The following RBPJ variants were observed in gnomAD, a reference collection of about 807,000 sequenced individuals.
RBPJ encodes recombining binding protein suppressor of hairless.
A neutral mutation model predicts 67.8 loss-of-function variants in RBPJ; 9 were observed. The ratio of observed to expected loss-of-function variants is 0.13; its 90% CI spans 0.08 to 0.23. The LOEUF (loss-of-function observed/expected upper bound fraction) is 0.23, where lower values mean the gene tolerates loss of function less well. Among genes scored for constraint, RBPJ ranks in the 10% least tolerant of loss-of-function variants. The pLI, the probability that RBPJ is intolerant of heterozygous loss-of-function variation, is 1.00. For synonymous variants in RBPJ, 198 were observed against 203.3 expected (o/e 0.97, Z 0.22); for missense variants, 305 against 595.6 (o/e 0.51, Z 5.08).
At chr4:26,149,965 G>A in the RBPJ span, among the ~76,000 whole-genome samples, 233 of 152,314 alleles carry the variant, frequency 1.5e-3, no homozygotes, top group African/African-American at 5.3e-3. Flanking sequence ...CCTCTCCAGT[G>A]AGATTGCAGT....
At chr4:26,244,378 C>CATAT (rs144410461) in intron 1 of RBPJ, among the ~76,000 whole-genome samples, 459 of 12,106 alleles carry the variant, frequency 0.038, 37 homozygotes, top group Non-Finnish European at 0.053. Flanking sequence ...TATGTGTACA[C>CATAT]GTGTGTGTAT....
chr4:26,406,305 G>A, intron 3 of RBPJ, 35 bp downstream of exon 3: 2 of 1,372,598 alleles, frequency 1.5e-6, no homozygotes, highest in Non-Finnish European at 2.1e-6. Flanking sequence ...GTTAATTGTA[G>A]TTACCACATG....
chr4:26,321,245 A>T (rs1723011158), intron 1 of RBPJ, 197 bp downstream of exon 1: 2 of 152,080 alleles, frequency 1.3e-5, no homozygotes, highest in Non-Finnish European at 2.8e-5. Context: ...CTCAGGCTCC[A>T]GCGCGTGAGG....
At chr4:26,278,374 T>C (rs1721150275) in intron 1 of RBPJ, among the ~76,000 whole-genome samples, 1 of 152,212 alleles carries the variant, frequency 6.6e-6, no homozygotes, top group African/African-American at 2.4e-5. Context: ...GTAGGCAATC[T>C]GGAATGTTGC....
chr4:26,331,136 T>C (rs1355491909), intron 1 of RBPJ, among the ~76,000 whole-genome samples: 2 of 152,196 alleles, frequency 1.3e-5, no homozygotes, highest in African/African-American at 4.8e-5. Flanking sequence ...CAGGGTTTGC[T>C]GTCACGTAGG....
intron 1 of RBPJ, among the ~76,000 whole-genome samples, chr4:26,247,559 C>T (rs535355156): frequency 9.2e-5 from 14 of 152,032 alleles, no homozygotes; most frequent in East Asian, 3.9e-4. Context: ...TACAGGCATG[C>T]GCCACCGCGT....
chr4:26,288,463 C>G (rs1721553648), intron 1 of RBPJ, among the ~76,000 whole-genome samples: 1 of 152,138 alleles, frequency 6.6e-6, no homozygotes, highest in Non-Finnish European at 1.5e-5. Context: ...AGAGCAAGAG[C>G]AAGGAGGAAG....
chr4:26,166,673 G>A (rs533653132), intron 1 of RBPJ, among the ~76,000 whole-genome samples: 9 of 152,014 alleles, frequency 5.9e-5, no homozygotes, highest in Non-Finnish European at 1.3e-4. Context: ...TAGGTTGCCT[G>A]CTCACTCTGA....
intron 1 of RBPJ, among the ~76,000 whole-genome samples, chr4:26,244,207 G>A (rs1719762057): frequency 6.8e-6 from 1 of 146,772 alleles, no homozygotes; most frequent in African/African-American, 2.5e-5. Context: ...GTCTATATAT[G>A]TATACACATA....
intron 1 of RBPJ, among the ~76,000 whole-genome samples, chr4:26,183,310 A>G (rs1717087063): frequency 6.6e-6 from 1 of 152,240 alleles, no homozygotes; most frequent in African/African-American, 2.4e-5. Flanking sequence ...CCACCCTCAT[A>G]TATGTGGCCC....
At chr4:26,208,842 G>C (rs1406285867) in intron 1 of RBPJ, among the ~76,000 whole-genome samples, 1 of 152,102 alleles carries the variant, frequency 6.6e-6, no homozygotes, top group South Asian at 2.1e-4. Flanking sequence ...CTCAGTGACT[G>C]GGAGCTCTGT....
chr4:26,222,363 C>T (rs972975117), intron 1 of RBPJ, among the ~76,000 whole-genome samples: 3 of 151,680 alleles, frequency 2.0e-5, no homozygotes, highest in Non-Finnish European at 4.4e-5. Flanking sequence ...GGCGTGGTGG[C>T]GGCCGCCTAT....
At chr4:26,193,658 A>G (rs535451263) in intron 1 of RBPJ, among the ~76,000 whole-genome samples, 11 of 151,918 alleles carry the variant, frequency 7.2e-5, no homozygotes, top group African/African-American at 2.7e-4. Flanking sequence ...CACCTTCTCC[A>G]CTCCCACAGA....
intron 1 of RBPJ, among the ~76,000 whole-genome samples, chr4:26,304,693 CTTT>C (rs891842180): frequency 6.6e-6 from 1 of 151,532 alleles, no homozygotes; most frequent in African/African-American, 2.4e-5. Flanking sequence ...AACGATTTGT[CTTT>C]TTATTATTCA....
At chr4:26,116,032 C>G in the RBPJ span, among the ~76,000 whole-genome samples, 1 of 152,046 alleles carries the variant, frequency 6.6e-6, no homozygotes, top group Non-Finnish European at 1.5e-5. Context: ...TAAAACCATA[C>G]CAAAGTTAGC....
chr4:26,303,224 T>G (rs1224782366), intron 1 of RBPJ, among the ~76,000 whole-genome samples: 1 of 143,430 alleles, frequency 7.0e-6, no homozygotes, highest in Admixed American at 7.0e-5. Context: ...AAATAATAAA[T>G]GAATAAATAT....
chr4:26,320,579 T>A, upstream of RBPJ: 1 of 604,056 alleles, frequency 1.7e-6, no homozygotes. Flanking sequence ...TGAGGAGGTG[T>A]TTCATCTAGG....
chr4:26,382,996 C>T (rs995380078), intron 1 of RBPJ, among the ~76,000 whole-genome samples: 1 of 152,134 alleles, frequency 6.6e-6, no homozygotes, highest in Non-Finnish European at 1.5e-5. Flanking sequence ...ATCAGGATTG[C>T]ATGCAATTAA....
chr4:26,386,050 G>T (rs984407183), intron 1 of RBPJ, among the ~76,000 whole-genome samples: 6 of 152,144 alleles, frequency 3.9e-5, no homozygotes, highest in Non-Finnish European at 7.4e-5. Flanking sequence ...CTTTGTGAGG[G>T]TCTTTGGCTA....
Sources: gnomAD v4.1 joint callset for allele counts (sites outside exome capture counted in the v4.1 genomes callset) on GRCh38, gnomAD v4.1.1 for gene constraint, MANE v1.5 for transcripts, NCBI Gene and HGNC (gene_info 2026-07-23, HGNC 2026-07-21) for gene names.